Variants in STPG2 observed in about 807,000 individuals in gnomAD.
STPG2 encodes sperm tail PG-rich repeat containing 2.
A neutral mutation model predicts 54.2 loss-of-function variants in STPG2; 56 were observed. The observed-to-expected ratio is 1.03, with a 90% CI of 0.83 to 1.29. The LOEUF (loss-of-function observed/expected upper bound fraction) is 1.29, where lower values mean the gene tolerates loss of function less well. Among genes scored for constraint, STPG2 ranks in the 50% most tolerant of loss-of-function variants. The pLI, the probability that STPG2 is intolerant of heterozygous loss-of-function variation, is 0.00. For missense variants in STPG2, 596 were observed against 544.9 expected (o/e 1.09, Z -0.93); for synonymous variants, 200 against 181.8 (o/e 1.10, Z -0.81).
At chr4:97,556,188 C>T (rs919000215), downstream of STPG2, among the ~76,000 whole-genome samples, 1 of 152,062 alleles carries the variant, frequency 6.6e-6, no homozygotes, top group Admixed American at 6.6e-5. Context: ...GCCTTTGTTG[C>T]ATAAATATTA....
intron 4 of STPG2, among the ~76,000 whole-genome samples, chr4:97,549,469 G>C (rs1392212915): frequency 1.3e-5 from 2 of 152,096 alleles, no homozygotes; most frequent in Non-Finnish European, 2.9e-5. Flanking sequence ...CAAATGCCTA[G>C]ATTCAAGTCC....
intron 4 of STPG2, among the ~76,000 whole-genome samples, chr4:97,512,487 T>C (rs1235494711): frequency 6.6e-6 from 1 of 152,002 alleles, no homozygotes; most frequent in Non-Finnish European, 1.5e-5. Flanking sequence ...GATCAACAGA[T>C]TTGGGATATC....
chr4:97,599,159 A>C (rs1045272127), intron 10 of STPG2, among the ~76,000 whole-genome samples: 1 of 152,220 alleles, frequency 6.6e-6, no homozygotes, highest in African/African-American at 2.4e-5. Context: ...AAAAACACTC[A>C]ACAGCACTGA....
chr4:97,930,584 G>C (rs1732506063), intron 8 of STPG2, among the ~76,000 whole-genome samples: 1 of 152,080 alleles, frequency 6.6e-6, no homozygotes, highest in Admixed American at 6.6e-5. Context: ...ACTGCAACCT[G>C]GTAGTATAAT....
At chr4:97,799,551 C>A (rs665391) in intron 9 of STPG2, among the ~76,000 whole-genome samples, 84,391 of 151,992 alleles carry the variant, frequency 0.56, 23,733 homozygotes, top group East Asian at 0.73. Flanking sequence ...CCGAGAGATC[C>A]GCTGTTAGTC....
At chr4:98,135,563 A>G (rs1740113865) in intron 1 of STPG2, among the ~76,000 whole-genome samples, 1 of 151,854 alleles carries the variant, frequency 6.6e-6, no homozygotes, top group African/African-American at 2.4e-5. Context: ...TCTCATCCAC[A>G]TTGAGATGAT....
At chr4:97,992,366 C>A (rs10002162) in intron 5 of STPG2, among the ~76,000 whole-genome samples, 59,555 of 151,834 alleles carry the variant, frequency 0.39, 11,810 homozygotes, top group Middle Eastern at 0.46. Context: ...GTCCTTTCGC[C>A]ACTTTATGTT....
chr4:97,561,377 T>C (rs1244196217), intron 10 of STPG2, among the ~76,000 whole-genome samples: 4 of 152,158 alleles, frequency 2.6e-5, no homozygotes, highest in Non-Finnish European at 5.9e-5. Context: ...TTTGCGAAAA[T>C]TTTCTCCCAT....
At chr4:97,460,401 G>A (rs1236043408) in intron 4 of STPG2, among the ~76,000 whole-genome samples, 1 of 151,566 alleles carries the variant, frequency 6.6e-6, no homozygotes, top group Non-Finnish European at 1.5e-5. Context: ...ATCTATTCTT[G>A]ACATAGACAT....
At chr4:97,655,593 C>CA (rs1722198957) in intron 10 of STPG2, among the ~76,000 whole-genome samples, 1 of 151,892 alleles carries the variant, frequency 6.6e-6, no homozygotes, top group South Asian at 2.1e-4. Flanking sequence ...TTATCGAGAT[C>CA]AAAAATGTAT....
At chr4:98,118,516 C>A (rs1739584639) in intron 3 of STPG2, among the ~76,000 whole-genome samples, 1 of 151,980 alleles carries the variant, frequency 6.6e-6, no homozygotes, top group African/African-American at 2.4e-5. Flanking sequence ...TAGTGTTAGA[C>A]TGAAATTGGA....
chr4:97,938,500 C>T (rs916836202), intron 8 of STPG2, among the ~76,000 whole-genome samples: 4 of 152,224 alleles, frequency 2.6e-5, no homozygotes, highest in African/African-American at 4.8e-5. Flanking sequence ...ACGATGGCCA[C>T]CCACCCCTGC....
chr4:97,667,935 T>C (rs1279106867), intron 10 of STPG2, among the ~76,000 whole-genome samples: 1 of 152,176 alleles, frequency 6.6e-6, no homozygotes, highest in Non-Finnish European at 1.5e-5. Context: ...GTTAAAATAA[T>C]CTATTTGTCC....
At chr4:97,605,619 T>C (rs1041558022) in intron 10 of STPG2, among the ~76,000 whole-genome samples, 4 of 151,812 alleles carry the variant, frequency 2.6e-5, no homozygotes, top group South Asian at 2.1e-4. Flanking sequence ...CATAGAGGTA[T>C]TGTGTTTTAA....
intron 9 of STPG2, among the ~76,000 whole-genome samples, chr4:97,830,228 T>G (rs1728409136): frequency 6.6e-6 from 1 of 152,106 alleles, no homozygotes; most frequent in Non-Finnish European, 1.5e-5. Flanking sequence ...TTCAACATTC[T>G]TAAAGAAAAG....
chr4:97,635,144 A>G (rs796827328), intron 10 of STPG2, among the ~76,000 whole-genome samples: 2,610 of 152,086 alleles, frequency 0.017, 74 homozygotes, highest in African/African-American at 0.059. Flanking sequence ...CGGATCTCTC[A>G]GCAGAAACCC....
At chr4:97,759,950 T>C (rs1560517115) in intron 9 of STPG2, among the ~76,000 whole-genome samples, 1 of 152,150 alleles carries the variant, frequency 6.6e-6, no homozygotes, top group Non-Finnish European at 1.5e-5. Context: ...TTTCCTCAAG[T>C]ATGAATCAGA....
intron 8 of STPG2, among the ~76,000 whole-genome samples, chr4:97,924,485 T>A (rs1732259308): frequency 6.6e-6 from 1 of 152,208 alleles, no homozygotes; most frequent in Non-Finnish European, 1.5e-5. Context: ...TATTCTGAAT[T>A]GGTCAAAGTA....
At chr4:98,111,092 C>T (rs1739334334) in intron 3 of STPG2, among the ~76,000 whole-genome samples, 1 of 151,958 alleles carries the variant, frequency 6.6e-6, no homozygotes, top group Non-Finnish European at 1.5e-5. Flanking sequence ...GACCTCATTA[C>T]ATATGAAAAG....
Sources: allele counts gnomAD v4.1 joint callset (sites outside exome capture counted in the v4.1 genomes callset), GRCh38; gene constraint gnomAD v4.1.1; transcripts MANE v1.5; gene names NCBI Gene and HGNC (gene_info 2026-07-23, HGNC 2026-07-21).